The following TANC2 variants were observed in gnomAD, a reference collection of about 807,000 sequenced individuals.
The protein encoded by TANC2 is tetratricopeptide repeat, ankyrin repeat and coiled-coil containing 2, also known as protein TANC2.
A neutral mutation model predicts 210.5 loss-of-function variants in TANC2; 26 were observed. The ratio of observed to expected loss-of-function variants is 0.12; its 90% CI spans 0.09 to 0.17. The LOEUF is 0.17. Among genes scored for constraint, TANC2 ranks in the 10% least tolerant of loss-of-function variants. TANC2 has a pLI of 1.00. For missense variants in TANC2, 2,129 were observed against 2,608.9 expected (o/e 0.82, Z 4.01); for synonymous variants, 931 against 967.1 (o/e 0.96, Z 0.69).
At chr17:63,092,911 T>C (rs577565388) in intron 3 of TANC2, among the ~76,000 whole-genome samples, 1 of 152,264 alleles carries the variant, frequency 6.6e-6, no homozygotes, top group South Asian at 2.1e-4. Context: ...TCTGTTCAGA[T>C]CTTTTGCCCA....
chr17:63,329,897 A>C (rs944216028), intron 11 of TANC2, among the ~76,000 whole-genome samples: 1 of 152,214 alleles, frequency 6.6e-6, no homozygotes, highest in African/African-American at 2.4e-5. Context: ...AAAAGCTAGA[A>C]ACAATTAAAT....
At position 63,421,229 on chromosome 17, in the gene TANC2, T is replaced by G; in HGVS notation, c.5499T>G (p.His1833Gln). Reference sequence around the variant, plus strand: ...AACTAGGTTCCCCTGATGTGTCGCATTTAATCAGAAGACCTATCAGTGTCA... The same window carrying G: ...AACTAGGTTCCCCTGATGTGTCGCAGTTAATCAGAAGACCTATCAGTGTCA... The change falls in exon 28 of 28, where the codon CAT becomes CAG. Residue 1833 changes from histidine (H) to glutamine (Q), a missense_variant. Around this residue, in one of 5 missense-constraint regions of TANC2, gnomAD observed 584 missense variants for 627.3 expected, o/e 0.93. Coordinates refer to ENST00000689528, the Ensembl canonical transcript of TANC2. This position sits in a 1 kb window ranked among gnomAD's most constrained non-coding sequence, Gnocchi z 6.9. The G allele has an allele frequency of 6.2e-7, 1 of 1,614,040 alleles. No homozygotes were observed. Among genetic ancestry groups the G allele is most frequent in the Non-Finnish European group, 8.5e-7 (1 of 1,179,906 alleles).
chr17:63,308,898 T>G (rs1451460381), intron 9 of TANC2, among the ~76,000 whole-genome samples: 1 of 152,176 alleles, frequency 6.6e-6, no homozygotes, highest in African/African-American at 2.4e-5. Flanking sequence ...AAAAAAATTA[T>G]AATTAAAGAT....
chr17:63,202,671 A>G (rs1258314857), intron 7 of TANC2, among the ~76,000 whole-genome samples: 2 of 152,106 alleles, frequency 1.3e-5, no homozygotes, highest in Non-Finnish European at 2.9e-5. Context: ...TTTTTCCTCT[A>G]TCGCTCTGGG....
At chr17:63,274,189 C>T (rs1254246052) in intron 9 of TANC2, among the ~76,000 whole-genome samples, 1 of 150,834 alleles carries the variant, frequency 6.6e-6, no homozygotes, top group Non-Finnish European at 1.5e-5. Context: ...TTAACATCAA[C>T]ATTGCTTCAT....
At chr17:63,392,267 C>T (rs2048005400) in intron 17 of TANC2, among the ~76,000 whole-genome samples, 1 of 152,184 alleles carries the variant, frequency 6.6e-6, no homozygotes, top group African/African-American at 2.4e-5. Flanking sequence ...TGTAGTTTCA[C>T]ATTTGTAACT....
At chr17:63,206,611 T>C (rs1448960589) in intron 7 of TANC2, among the ~76,000 whole-genome samples, 1 of 152,214 alleles carries the variant, frequency 6.6e-6, no homozygotes, top group Non-Finnish European at 1.5e-5. Context: ...GATTGTATGA[T>C]ATATATGGTT....
chr17:63,420,981 A>G lies in TANC2; in HGVS notation c.5251A>G (p.Ile1751Val). The change falls in exon 28 of 28, where the codon ATC (isoleucine) becomes GTC (valine). Residue 1751 changes from isoleucine to valine, a missense_variant. Ile to Val is a conservative substitution (Grantham distance 29, BLOSUM62 3). Around this residue, in one of 5 missense-constraint regions of TANC2, gnomAD observed 584 missense variants for 627.3 expected, o/e 0.93. Transcript: ENST00000689528. The surrounding 1 kb of genome is among the most constrained non-coding windows in gnomAD (Gnocchi z 4.2). ...GGTTTATCAAGGGTCAATTGGGGGA[A>G]TCGTAGGGGATGGAAGGCCGGTGCA... 1 of 1,613,966 alleles carries G rather than the reference A, an allele frequency of 6.2e-7. No individual in the cohort carries two copies. Among genetic ancestry groups the G allele is most frequent in the Non-Finnish European group, 8.5e-7 (1 of 1,179,884 alleles).
chr17:63,112,840 A>T (rs2038104229), intron 4 of TANC2, among the ~76,000 whole-genome samples: 1 of 152,196 alleles, frequency 6.6e-6, no homozygotes, highest in African/African-American at 2.4e-5. Context: ...ATTGGGTATC[A>T]GTTTTAAACA....
chr17:63,036,208 G>C (rs1028893431), intron 2 of TANC2, among the ~76,000 whole-genome samples: 3 of 148,916 alleles, frequency 2.0e-5, no homozygotes, highest in Non-Finnish European at 4.5e-5. Context: ...AAACTCTTTG[G>C]CTAATCACAA....
intron 8 of TANC2, among the ~76,000 whole-genome samples, chr17:63,243,556 A>T (rs1057509024): frequency 2.0e-5 from 3 of 152,238 alleles, no homozygotes; most frequent in African/African-American, 7.2e-5. Context: ...CAGATGTGAT[A>T]TTGAACAAAA....
chr17:63,114,765 T>C (rs1282581668), intron 4 of TANC2, among the ~76,000 whole-genome samples: 1 of 152,208 alleles, frequency 6.6e-6, no homozygotes, highest in Non-Finnish European at 1.5e-5. Context: ...AATGTAAAAC[T>C]GTATAAGTTT....
rs924202591 is a variant in TANC2, at chr17:63,137,012, A to G, written c.323-14258A>G. ...TAATACTGAGTTTCAGAGATGTGCA[A>G]TGAGACTCCACGAGGCTAAAGAAAG... On this transcript the variant is annotated intron_variant, in intron 4 of 27. Transcript: ENST00000689528. 5.9e-5 allele frequency among the ~76,000 whole-genome samples: 9 copies of G among 152,206 alleles called. No homozygotes were observed. In the South Asian group the frequency reaches 1.2e-3, roughly 21 times the overall value.
At chr17:63,338,382 A>G (rs770527686) in intron 11 of TANC2, among the ~76,000 whole-genome samples, 2 of 152,168 alleles carry the variant, frequency 1.3e-5, no homozygotes, top group Non-Finnish European at 2.9e-5. Context: ...TAAATATCAC[A>G]ATTTTTATCT....
At chr17:63,299,737 G>T in intron 9 of TANC2, among the ~76,000 whole-genome samples, 1 of 152,096 alleles carries the variant, frequency 6.6e-6, no homozygotes, top group East Asian at 1.9e-4. Context: ...TAGATTGCCT[G>T]TTCACTCTGA....
chr17:63,394,111 T>C (rs2048078822), intron 17 of TANC2, among the ~76,000 whole-genome samples: 1 of 152,200 alleles, frequency 6.6e-6, no homozygotes, highest in South Asian at 2.1e-4. Flanking sequence ...CTAACAGTGA[T>C]TTTCTACTTC....
At chr17:62,986,769 G>C (rs1353636119) in intron 1 of TANC2, among the ~76,000 whole-genome samples, 1 of 152,140 alleles carries the variant, frequency 6.6e-6, no homozygotes, top group African/African-American at 2.4e-5. Context: ...CAGCCTGTGG[G>C]GCTGCTTCTC....
At chr17:63,018,629 A>G (rs548484199) in intron 2 of TANC2, among the ~76,000 whole-genome samples, 1 of 152,358 alleles carries the variant, frequency 6.6e-6, no homozygotes, top group African/African-American at 2.4e-5. Context: ...GGATATTAAC[A>G]TTGATAACAG....
chr17:63,411,828 A>G, intron 22 of TANC2, 142 bp downstream of exon 22: 1 of 1,403,692 alleles, frequency 7.1e-7, no homozygotes. Flanking sequence ...GAGCAAGAAT[A>G]TTCAAAATGC....
Sources: gnomAD v4.1 joint callset for allele counts (sites outside exome capture counted in the v4.1 genomes callset) on GRCh38, gnomAD v4.1.1 for gene constraint, gnomAD v4.1.1 regional missense constraint, Gnocchi (gnomAD v3.1) non-coding constraint, MANE v1.5 for transcripts, NCBI Gene and HGNC (gene_info 2026-07-23, HGNC 2026-07-21) for gene names.